Variants in USP40 observed in about 807,000 individuals in gnomAD.
The protein encoded by USP40 is ubiquitin specific peptidase 40.
USP40 carries 143 observed loss-of-function variants against 166.2 expected under a neutral mutation model. The observed-to-expected ratio is 0.86, with a 90% confidence interval of 0.75 to 0.99. USP40 has a LOEUF of 0.99. Ranked by LOEUF, USP40 falls within the 50% of genes least tolerant of loss-of-function variation. USP40 has a pLI of 0.00. For missense variants in USP40, 1,444 were observed against 1,479.7 expected (o/e 0.98, Z 0.40); for synonymous variants, 498 against 524.0 (o/e 0.95, Z 0.68).
intron 3 of USP40, among the ~76,000 whole-genome samples, chr2:233,561,649 T>A (rs1478829897): frequency 6.6e-6 from 1 of 151,940 alleles, no homozygotes; most frequent in East Asian, 1.9e-4. Flanking sequence ...ATTCAGGACA[T>A]ACGCATGGGT....
chr2:233,489,453 C>A lies in USP40; in HGVS notation c.3043G>T (p.Gly1015Cys). The change falls in exon 27 of 32, where the codon GGT becomes TGT. Residue 1015 changes from glycine (G) to cysteine (C), a missense_variant. Gly to Cys is a radical substitution (Grantham distance 159, BLOSUM62 -3). Coordinates refer to ENST00000678225, the MANE Select transcript of USP40 (RefSeq NM_001365479.2). ...AMTLPPFLEF[G>C]VPSPAHLRAW... ...CTGAGGTGGGCTGGGGACGGGACAC[C>A]GAACTCCAGGAAAGGAGGCAAGGTC... 1 of 1,607,110 alleles carries A rather than the reference C, an allele frequency of 6.2e-7. No homozygotes were observed. The highest frequency in any genetic ancestry group is 8.5e-7 in the Non-Finnish European group (1 of 1,176,936).
chr2:233,514,021 C>T (rs537040098), intron 18 of USP40, among the ~76,000 whole-genome samples: 4 of 152,220 alleles, frequency 2.6e-5, no homozygotes, highest in South Asian at 2.1e-4. Context: ...AATCTCTTGT[C>T]GACGGAAACA....
intron 24 of USP40, among the ~76,000 whole-genome samples, chr2:233,495,948 C>G (rs1372063179): frequency 6.6e-6 from 1 of 152,144 alleles, no homozygotes; most frequent in East Asian, 1.9e-4. Flanking sequence ...GCAAACAAAA[C>G]AAGTGTAAAA....
At chr2:233,543,569 G>C (rs951634812) in intron 8 of USP40, among the ~76,000 whole-genome samples, 36 of 152,300 alleles carry the variant, frequency 2.4e-4, no homozygotes, top group African/African-American at 7.2e-4. Context: ...GGTCACAAAA[G>C]ATGAGCCCTC....
In USP40 at chr2:233,533,603, C is replaced by T. The variant is rs762433150; in HGVS notation, c.1347G>A (p.Trp449Ter). ...GLNNSISCPH[W>*]FDINDSKVQP... ...GGACTTTAGAATCATTTATATCAAA[C>T]CAGTGGGGACAGGAGATGCTATTGT... The change falls in exon 11 of 32, where the codon TGG (tryptophan) becomes TGA (stop). Residue 449 changes from tryptophan to a stop codon, truncating the protein, a stop_gained. Coordinates refer to ENST00000678225, the MANE Select transcript of USP40 (RefSeq NM_001365479.2). LOFTEE classifies it high-confidence loss of function. 3.1e-6 allele frequency: 5 copies of T among 1,613,644 alleles called. No individual in the cohort carries two copies. Among genetic ancestry groups the T allele is most frequent in the Non-Finnish European group, 3.4e-6 (4 of 1,179,802 alleles).
chr2:233,526,633 T>C (rs2068054076), intron 13 of USP40, among the ~76,000 whole-genome samples: 1 of 152,172 alleles, frequency 6.6e-6, no homozygotes, highest in Non-Finnish European at 1.5e-5. Context: ...AAAGCTAACA[T>C]TTTCTATCTC....
chr2:233,556,009 G>A (rs528060803), intron 5 of USP40, among the ~76,000 whole-genome samples: 7 of 151,408 alleles, frequency 4.6e-5, no homozygotes, highest in African/African-American at 7.3e-5. Flanking sequence ...CCAGCTACTC[G>A]GGAGGCTAAG....
In USP40 at chr2:233,529,491, C is replaced by A; in HGVS notation, c.1493G>T (p.Gly498Val). Residue 498 changes from glycine to valine, a missense_variant, in exon 12 of 32, where the codon GGG (glycine) becomes GTG (valine). Coordinates refer to ENST00000678225, the MANE Select transcript of USP40 (RefSeq NM_001365479.2). ...PPEARANPRY[G>V]VPCHLLNEMD... ...TTCATTCAGTAAATGACATGGAACCCCATATCTTGGATTAGCTCGAGCTGT... is the reference window on the plus strand; with the variant it reads ...TTCATTCAGTAAATGACATGGAACCACATATCTTGGATTAGCTCGAGCTGT... 1 of 1,585,036 alleles carries A rather than the reference C, an allele frequency of 6.3e-7. No individual in the cohort carries two copies. Among genetic ancestry groups the A allele is most frequent in the Non-Finnish European group, 8.6e-7 (1 of 1,164,002 alleles).
intron 5 of USP40, among the ~76,000 whole-genome samples, chr2:233,556,239 A>G (rs149716926): frequency 1.9e-3 from 295 of 152,300 alleles, no homozygotes; most frequent in South Asian, 4.8e-3. Context: ...AATTGACTAT[A>G]TAAGATTTGT....
At position 233,481,243 on chromosome 2, in the gene USP40, T is replaced by C; in HGVS notation, c.3559A>G (p.Lys1187Glu). 1 of 1,608,690 alleles carries C rather than the reference T, an allele frequency of 6.2e-7. No individual in the cohort carries two copies. Among genetic ancestry groups the C allele is most frequent in the Non-Finnish European group, 8.5e-7 (1 of 1,177,438 alleles). Reference sequence around the variant, plus strand: ...AGGGCCCGTTGTTTCTGCTTTTCTTTTCCAGTGTCATCTCTGATTGTACTG... The same window carrying C: ...AGGGCCCGTTGTTTCTGCTTTTCTTCTCCAGTGTCATCTCTGATTGTACTG... ...DFSTIRDDTGKEKQKQRALGR... is the reference protein window; with the variant it reads ...DFSTIRDDTGEEKQKQRALGR... Residue 1187 changes from lysine (K) to glutamate (E), a missense_variant, in exon 31 of 32, where the codon AAA (lysine) becomes GAA (glutamate). By Grantham distance (56) the Lys-to-Glu change is moderately conservative. Transcript: ENST00000678225.
Position 233,521,115 on chromosome 2 carries a change from C to G in USP40, c.2202-1G>C. 1 of 1,607,504 alleles carries G rather than the reference C, an allele frequency of 6.2e-7. No homozygotes were observed. Among genetic ancestry groups the G allele is most frequent in the Non-Finnish European group, 8.5e-7 (1 of 1,177,820 alleles). ...CCATTTCTCTTCCTTGGTCAACAAGCTGTAGGTAAAAAGAAAAGATCAGAA... is the reference window on the plus strand; with the variant it reads ...CCATTTCTCTTCCTTGGTCAACAAGGTGTAGGTAAAAAGAAAAGATCAGAA... On this transcript the variant is annotated splice_acceptor_variant, in intron 16 of 31. Transcript: ENST00000678225. LOFTEE classifies it high-confidence loss of function.
rs1049388864 is a variant in USP40 at position 233,480,183 on chromosome 2, T to G, written c.3599+1020A>C. On this transcript the variant is annotated intron_variant, in intron 31 of 31. Coordinates refer to ENST00000678225, the MANE Select transcript of USP40 (RefSeq NM_001365479.2). This position sits in a 1 kb window ranked among gnomAD's most constrained non-coding sequence, Gnocchi z 4.5. ...CAGACGCCCCCAGTGGCAGAGGGCA[T>G]GCAGTCCCTGGCACACGGGCAGCCA... 1.6e-4 allele frequency among the ~76,000 whole-genome samples: 25 copies of G among 152,046 alleles called. No individual in the cohort carries two copies. The highest frequency in any genetic ancestry group is 6.0e-4 in the African/African-American group (25 of 41,398).
At chr2:233,500,026 T>C (rs2065974141) in intron 21 of USP40, 111 bp from the exon 22 acceptor site, 1 of 824,550 alleles carries the variant, frequency 1.2e-6, no homozygotes, top group African/African-American at 1.8e-5. Flanking sequence ...TATTTAATGA[T>C]TCTTGAATAG....
At chr2:233,558,509 C>T (rs900156953) in intron 4 of USP40, among the ~76,000 whole-genome samples, 2 of 152,058 alleles carry the variant, frequency 1.3e-5, no homozygotes, top group African/African-American at 2.4e-5. Flanking sequence ...AAGACTGTTA[C>T]GAGACCACCT....
At chr2:233,479,628 CGTGTGTGTGT>C (rs72454809) in intron 31 of USP40, among the ~76,000 whole-genome samples, 10 of 145,500 alleles carry the variant, frequency 6.9e-5, no homozygotes, top group African/African-American at 1.3e-4. Flanking sequence ...TAGAATTTTA[CGTGTGTGTGT>C]GTGTGTGTGT....
intron 12 of USP40, 40 bp from the exon 13 acceptor site, chr2:233,527,618 A>G (rs749452008): frequency 5.3e-6 from 8 of 1,500,848 alleles, no homozygotes; most frequent in Non-Finnish European, 7.2e-6. Context: ...CTGTGTTTTT[A>G]TAACAGACAC....
At position 233,554,432 on chromosome 2, in the gene USP40, C is replaced by A; in HGVS notation, c.641G>T (p.Cys214Phe). 3 of 1,613,270 alleles carry A rather than the reference C, an allele frequency of 1.9e-6. No homozygotes were observed. The South Asian group carries it at 3.3e-5, about 18-fold the overall frequency. ...NMYVEEEVFD[C>F]DNLYHCGTCD... Reference sequence around the variant, plus strand: ...AGTTCCACAGTGGTACAAGTTGTCACAATCAAAAACTTCCTCTTCTACATA... The same window carrying A: ...AGTTCCACAGTGGTACAAGTTGTCAAAATCAAAAACTTCCTCTTCTACATA... The change falls in exon 6 of 32, where the codon TGT becomes TTT. Residue 214 changes from cysteine (C) to phenylalanine (F), a missense_variant. By Grantham distance (205) the Cys-to-Phe change is radical. Transcript: ENST00000678225.
chr2:233,542,455 A>C (rs2125318472), intron 8 of USP40, 92 bp from the exon 9 acceptor site: 1 of 716,810 alleles, frequency 1.4e-6, no homozygotes, highest in East Asian at 3.0e-5. Flanking sequence ...TCACACCTGT[A>C]ATCCCAGCAA....
At chr2:233,518,504 T>C (rs1341646087) in intron 18 of USP40, among the ~76,000 whole-genome samples, 3 of 149,222 alleles carry the variant, frequency 2.0e-5, no homozygotes, top group Non-Finnish European at 4.4e-5. Context: ...GAGACGGAGG[T>C]TGCAGTGAGC....
Sources: gnomAD v4.1 joint callset for allele counts (sites outside exome capture counted in the v4.1 genomes callset) on GRCh38, gnomAD v4.1.1 for gene constraint, Gnocchi (gnomAD v3.1) non-coding constraint, MANE v1.5 for transcripts, NCBI Gene and HGNC (gene_info 2026-07-23, HGNC 2026-07-21) for gene names.